Variants in DNAJC25 observed in about 807,000 individuals in gnomAD.
DNAJC25 encodes dnaJ homolog subfamily C member 25.
A neutral mutation model predicts 42.1 loss-of-function variants in DNAJC25; 26 were observed. That is an observed-to-expected ratio of 0.62 (90% CI 0.45 to 0.86). The LOEUF (loss-of-function observed/expected upper bound fraction) is 0.86. Among genes scored for constraint, DNAJC25 ranks in the 40% least tolerant of loss-of-function variants. The probability of loss-of-function intolerance (pLI) is 0.00; values close to 1 mark genes in which losing one functional copy is unlikely to be tolerated. For synonymous variants in DNAJC25, 189 were observed against 179.9 expected, an observed-to-expected ratio of 1.05 and a Z score of -0.40; for missense variants, 404 against 459.4, an observed-to-expected ratio of 0.88 and a Z score of 1.10.
intron 3 of DNAJC25, among the ~76,000 whole-genome samples, chr9:111,651,174 G>C (rs1830654146): frequency 6.7e-6 from 1 of 148,386 alleles, no homozygotes. Flanking sequence ...TGAGGCAGGA[G>C]AATCACTCGA....
At chr9:111,652,477 T>C (rs1830676748) in intron 3 of DNAJC25, among the ~76,000 whole-genome samples, 1 of 136,022 alleles carries the variant, frequency 7.4e-6, no homozygotes, top group Admixed American at 7.5e-5. Context: ...ATCACACCAC[T>C]GCACTCCAGC....
chr9:111,650,277 T>G (rs576814834), intron 3 of DNAJC25, among the ~76,000 whole-genome samples: 1 of 149,872 alleles, frequency 6.7e-6, no homozygotes, highest in Non-Finnish European at 1.5e-5. Context: ...CTTCCAATAC[T>G]GTAAACCTAG....
Position 111,649,514 on chromosome 9 carries a change from A to G in DNAJC25, c.551A>G (p.Tyr184Cys). The G allele has an allele frequency of 6.2e-7, 1 of 1,613,536 alleles. No individual in the cohort carries two copies. The highest frequency in any genetic ancestry group is 1.1e-5 in the South Asian group (1 of 90,926). The change falls in exon 3 of 4, where the codon TAC becomes TGC. Residue 184 changes from tyrosine (Y) to cysteine (C), a missense_variant. By Grantham distance (194) the Tyr-to-Cys change is radical (BLOSUM62 -2). Transcript: ENST00000313525. ...AISYLATVPK[Y>C]RIQATEIAKQ... is the part of the protein sequence containing the mutation. ...AGCTACCTAGCCACAGTGCCCAAGT[A>G]CCGTATCCAAGCTACAGAGATTGCC...
At chr9:111,636,651 G>A (rs1004376141) in intron 1 of DNAJC25, among the ~76,000 whole-genome samples, 2 of 152,094 alleles carry the variant, frequency 1.3e-5, no homozygotes, top group Admixed American at 1.3e-4. Context: ...GTGTGATGCT[G>A]ATAAACAACC....
chr9:111,631,956 C>T (rs558385253), intron 1 of DNAJC25, among the ~76,000 whole-genome samples: 2 of 152,370 alleles, frequency 1.3e-5, no homozygotes, highest in South Asian at 2.1e-4. Flanking sequence ...AGCCTCCTTG[C>T]CCTCTTCCTT....
At chr9:111,649,998 A>T in intron 3 of DNAJC25, 75 bp downstream of exon 3, 1 of 1,322,020 alleles carries the variant, frequency 7.6e-7, no homozygotes, top group Non-Finnish European at 1.0e-6. Context: ...ATAATGAGGG[A>T]TCACAGAAGT....
At chr9:111,639,923 T>G (rs1262363137) in intron 1 of DNAJC25, among the ~76,000 whole-genome samples, 2 of 140,036 alleles carry the variant, frequency 1.4e-5, no homozygotes, top group Non-Finnish European at 3.1e-5. Flanking sequence ...TCCCTCTCCC[T>G]CTCCCTCTCC....
intron 2 of DNAJC25, 105 bp from the exon 3 acceptor site, chr9:111,649,348 T>C (rs1287369978): frequency 1.4e-6 from 2 of 1,431,206 alleles, no homozygotes; most frequent in Non-Finnish European, 1.8e-6. Context: ...TTTTTAATTG[T>C]AATGGTTTCT....
intron 1 of DNAJC25, among the ~76,000 whole-genome samples, chr9:111,646,560 C>T (rs140217128): frequency 1.3e-5 from 2 of 152,144 alleles, no homozygotes; most frequent in Non-Finnish European, 2.9e-5. Flanking sequence ...GGAGGAGGCT[C>T]AGAGAGGCTA....
chr9:111,642,642 TAAA>T (rs762960781), intron 1 of DNAJC25, among the ~76,000 whole-genome samples: 14 of 108,634 alleles, frequency 1.3e-4, no homozygotes, highest in Non-Finnish European at 1.4e-4. Context: ...AATAAATAAA[TAAA>T]AAATAAATGT....
chr9:111,642,402 T>C (rs1830490751), intron 1 of DNAJC25, among the ~76,000 whole-genome samples: 1 of 136,158 alleles, frequency 7.3e-6, no homozygotes, highest in Non-Finnish European at 1.6e-5. Flanking sequence ...AAACAGATGC[T>C]TGAAGGCAGC....
intron 2 of DNAJC25, among the ~76,000 whole-genome samples, chr9:111,648,127 A>G (rs954569050): frequency 3.3e-5 from 5 of 152,228 alleles, no homozygotes; most frequent in Non-Finnish European, 7.3e-5. Flanking sequence ...TCTGCCTGAA[A>G]TAAGTTTTCC....
At chr9:111,650,975 T>C (rs1325966523) in intron 3 of DNAJC25, among the ~76,000 whole-genome samples, 1 of 152,054 alleles carries the variant, frequency 6.6e-6, no homozygotes, top group Non-Finnish European at 1.5e-5. Context: ...TTCATAAAAG[T>C]GTTATTTAGG....
chr9:111,650,162 A>C (rs1052188726), intron 3 of DNAJC25, among the ~76,000 whole-genome samples: 2 of 152,192 alleles, frequency 1.3e-5, no homozygotes, highest in Non-Finnish European at 2.9e-5. Flanking sequence ...AAATTATGAA[A>C]ACGTTTTAAG....
At chr9:111,639,630 G>GA (rs1306285461) in intron 1 of DNAJC25, among the ~76,000 whole-genome samples, 1 of 147,820 alleles carries the variant, frequency 6.8e-6, no homozygotes, top group African/African-American at 2.5e-5. Context: ...TAATGGCCTG[G>GA]AAAAAAATTT....
intron 1 of DNAJC25, among the ~76,000 whole-genome samples, chr9:111,643,915 TA>T (rs1416040244): frequency 2.6e-5 from 4 of 152,330 alleles, no homozygotes; most frequent in African/African-American, 9.6e-5. Context: ...TGTAGGTTAC[TA>T]AAGAGCAGAA....
chr9:111,650,023 G>A, intron 3 of DNAJC25, 100 bp downstream of exon 3: 1 of 1,122,230 alleles, frequency 8.9e-7, no homozygotes, highest in Non-Finnish European at 1.2e-6. Context: ...TCACATTTCT[G>A]AAATCCTAGA....
chr9:111,645,799 T>TC (rs538100848), intron 1 of DNAJC25, among the ~76,000 whole-genome samples: 1 of 151,306 alleles, frequency 6.6e-6, no homozygotes, highest in East Asian at 1.9e-4. Context: ...AAAAAAAACT[T>TC]TTTTTTTTGG....
intron 3 of DNAJC25, among the ~76,000 whole-genome samples, chr9:111,650,207 G>A (rs1019847782): frequency 4.6e-5 from 7 of 151,882 alleles, no homozygotes; most frequent in African/African-American, 1.7e-4. Context: ...ATGCATGTTT[G>A]CAAGGGTGTT....
Sources: gnomAD v4.1 joint callset for allele counts (sites outside exome capture counted in the v4.1 genomes callset) on GRCh38, gnomAD v4.1.1 for gene constraint, MANE v1.5 for transcripts, NCBI Gene and HGNC (gene_info 2026-07-23, HGNC 2026-07-21) for gene names.